Variants in GABRG3 observed in about 807,000 individuals in gnomAD.
GABRG3 encodes gamma-aminobutyric acid receptor subunit gamma-3.
GABRG3 carries 25 observed loss-of-function variants against 48.8 expected under a neutral mutation model. That is an observed-to-expected ratio of 0.51 (90% CI 0.37 to 0.72). The LOEUF (loss-of-function observed/expected upper bound fraction) is 0.72, where lower values mean the gene tolerates loss of function less well. Among genes scored for constraint, GABRG3 ranks in the 30% least tolerant of loss-of-function variants. The pLI is 0.00. For synonymous variants in GABRG3, 227 were observed against 217.6 expected, an observed-to-expected ratio of 1.04 and a Z score of -0.38; for missense variants, 394 against 577.9, an observed-to-expected ratio of 0.68 and a Z score of 3.26.
chr15:27,051,875 G>A (rs1056279805), intron 3 of GABRG3, among the ~76,000 whole-genome samples: 10 of 152,322 alleles, frequency 6.6e-5, no homozygotes, highest in East Asian at 5.8e-4. Context: ...GATGGGAGAC[G>A]TGACAGATCA....
chr15:27,044,526 TA>T (rs1327845795), intron 3 of GABRG3, among the ~76,000 whole-genome samples: 2 of 152,220 alleles, frequency 1.3e-5, no homozygotes, highest in Non-Finnish European at 2.9e-5. Context: ...AATATTAAGA[TA>T]AAATATTTGC....
Position 26,976,939 on chromosome 15 carries a change from C to G in GABRG3, c.54-63C>G, listed in dbSNP as rs1894960419. 72 of 1,582,022 alleles carry G rather than the reference C, an allele frequency of 4.6e-5. No homozygotes were observed. The highest frequency in any genetic ancestry group is 6.1e-5 in the Non-Finnish European group (70 of 1,153,952). On this transcript the variant is annotated intron_variant, in intron 1 of 9. Coordinates refer to ENST00000615808, the MANE Select transcript of GABRG3 (RefSeq NM_033223.5). This position sits in a 1 kb window ranked among gnomAD's most constrained non-coding sequence, Gnocchi z 7.8. ...TTTCATGGTACTTGGATAGGACAAACTTAGGCTCTTCCTAGAGCCATTGCT... is the reference window on the plus strand; with the variant it reads ...TTTCATGGTACTTGGATAGGACAAAGTTAGGCTCTTCCTAGAGCCATTGCT...
intron 3 of GABRG3, among the ~76,000 whole-genome samples, chr15:27,127,687 C>T (rs765977619): frequency 3.9e-5 from 6 of 152,046 alleles, no homozygotes; most frequent in South Asian, 4.2e-4. Context: ...TTTTGGTGAC[C>T]GCATTATTCC....
chr15:27,501,376 A>G (rs554037681), intron 6 of GABRG3, among the ~76,000 whole-genome samples: 1 of 152,204 alleles, frequency 6.6e-6, no homozygotes, highest in African/African-American at 2.4e-5. Context: ...AGCAAGCTCT[A>G]CAAGTCTTCC....
chr15:27,501,974 A>C (rs146455277), intron 6 of GABRG3, among the ~76,000 whole-genome samples: 1 of 152,262 alleles, frequency 6.6e-6, no homozygotes, highest in East Asian at 1.9e-4. Flanking sequence ...CACATTGGCT[A>C]TCAGGGATCT....
intron 3 of GABRG3, among the ~76,000 whole-genome samples, chr15:27,167,586 AGTT>A (rs1887421569): frequency 6.6e-6 from 1 of 152,174 alleles, no homozygotes; most frequent in Non-Finnish European, 1.5e-5. Flanking sequence ...ACATACTACT[AGTT>A]GGAGCTCAAA....
intron 3 of GABRG3, among the ~76,000 whole-genome samples, chr15:27,044,354 G>A (rs1896327635): frequency 6.6e-6 from 1 of 152,012 alleles, no homozygotes; most frequent in Non-Finnish European, 1.5e-5. Flanking sequence ...CCTAAACACG[G>A]TTTTGATATT....
intron 3 of GABRG3, among the ~76,000 whole-genome samples, chr15:27,187,781 G>A (rs1263808969): frequency 1.3e-5 from 2 of 151,888 alleles, no homozygotes; most frequent in African/African-American, 2.4e-5. Flanking sequence ...CAATGTGCAG[G>A]TTAGTTACAT....
intron 3 of GABRG3, among the ~76,000 whole-genome samples, chr15:27,217,420 C>T (rs977681818): frequency 2.0e-5 from 3 of 152,192 alleles, no homozygotes; most frequent in African/African-American, 7.2e-5. Flanking sequence ...TTTTCACCCA[C>T]CAGTGGGTAT....
intron 3 of GABRG3, among the ~76,000 whole-genome samples, chr15:27,311,463 C>T (rs1378966366): frequency 2.0e-5 from 3 of 152,096 alleles, no homozygotes; most frequent in Non-Finnish European, 4.4e-5. Flanking sequence ...GCACCTGCAT[C>T]ATCTAGCCAC....
At chr15:26,981,985 C>T (rs1193582749) in intron 2 of GABRG3, among the ~76,000 whole-genome samples, 2 of 152,176 alleles carry the variant, frequency 1.3e-5, no homozygotes, top group South Asian at 2.1e-4. Context: ...CCCTTCATGC[C>T]TCAGTTGCCT....
chr15:27,194,658 G>A (rs2140425013), intron 3 of GABRG3, among the ~76,000 whole-genome samples: 1 of 152,270 alleles, frequency 6.6e-6, no homozygotes, highest in African/African-American at 2.4e-5. Context: ...TATATGCAAT[G>A]TGTTATTTCT....
In GABRG3 at chr15:27,495,258, C is replaced by T. The variant is rs57458566; in HGVS notation, c.712+14471C>T. 6.0e-3 allele frequency among the ~76,000 whole-genome samples: 912 copies of T among 152,312 alleles called. 8 individuals are homozygous for T. Among genetic ancestry groups the T allele is most frequent in the African/African-American group, 0.019 (802 of 41,590 alleles). On this transcript the variant is annotated intron_variant, in intron 6 of 9. Transcript: ENST00000615808. ...GCCTGGCTTATTTCACTTAGCATAA[C>T]GTCCTGGATGTTCATCCACGTTGTA...
chr15:27,422,310 CG>C (rs1888147191), intron 5 of GABRG3: 2 of 148,422 alleles, frequency 1.3e-5, no homozygotes, highest in African/African-American at 5.0e-5. Context: ...GAGTGAGCTG[CG>C]TATCCACCAA....
chr15:27,022,450 G>A (rs1038243186), intron 2 of GABRG3, among the ~76,000 whole-genome samples: 1 of 152,188 alleles, frequency 6.6e-6, no homozygotes, highest in East Asian at 1.9e-4. Context: ...AGCAAAATGA[G>A]ACACTTATTA....
At chr15:27,019,091 T>C (rs1443499007) in intron 2 of GABRG3, among the ~76,000 whole-genome samples, 2 of 106,222 alleles carry the variant, frequency 1.9e-5, no homozygotes, top group African/African-American at 7.4e-5. Context: ...TTTTTTGAGA[T>C]GGAGTCTTGC....
At chr15:27,384,195 C>T (rs957645322) in intron 5 of GABRG3, among the ~76,000 whole-genome samples, 3 of 152,176 alleles carry the variant, frequency 2.0e-5, no homozygotes, top group African/African-American at 7.2e-5. Flanking sequence ...GTCAAGTCAT[C>T]TCTGCAACAG....
chr15:27,423,533 G>GT (rs1177329780), intron 5 of GABRG3, among the ~76,000 whole-genome samples: 2 of 146,098 alleles, frequency 1.4e-5, no homozygotes, highest in African/African-American at 2.5e-5. Context: ...CCATTTTCTT[G>GT]TTTTTTGGTT....
chr15:27,017,036 C>G lies in GABRG3; in HGVS notation c.203-9718C>G, dbSNP rs1468491960. Among the ~76,000 whole-genome samples, 9 of 152,226 alleles carry G rather than the reference C, an allele frequency of 5.9e-5. No homozygotes were observed. In the East Asian group the frequency reaches 1.7e-3, roughly 29 times the overall value. The stretch of plus-strand genomic sequence containing the variant: ...TTTTCCATCTGTGCCTTCTTTTACT[C>G]CATTGAACATCCTTACGACAGTTAT... On this transcript the variant is annotated intron_variant, in intron 2 of 9. Coordinates refer to ENST00000615808, the MANE Select transcript of GABRG3 (RefSeq NM_033223.5).
Sources: allele counts gnomAD v4.1 joint callset (sites outside exome capture counted in the v4.1 genomes callset), GRCh38; gene constraint gnomAD v4.1.1; non-coding constraint Gnocchi (gnomAD v3.1); transcripts MANE v1.5; gene names NCBI Gene and HGNC (gene_info 2026-07-23, HGNC 2026-07-21).